The following CDC123 variants were observed in gnomAD, a reference collection of about 807,000 sequenced individuals.
CDC123 encodes the protein cell division cycle 123, also known as translation initiation factor eIF2 assembly protein.
A neutral mutation model predicts 54.4 loss-of-function variants in CDC123; 37 were observed. The ratio of observed to expected loss-of-function variants is 0.68; its 90% CI spans 0.52 to 0.89. The LOEUF (loss-of-function observed/expected upper bound fraction) is 0.89. Among genes scored for constraint, CDC123 ranks in the 40% least tolerant of loss-of-function variants. CDC123 has a pLI of 0.00. For missense variants in CDC123, 361 were observed against 412.1 expected (o/e 0.88, Z 1.07); for synonymous variants, 144 against 136.8 (o/e 1.05, Z -0.37).
At chr10:12,232,644 G>A (rs774843997) in intron 7 of CDC123, among the ~76,000 whole-genome samples, 1 of 152,042 alleles carries the variant, frequency 6.6e-6, no homozygotes, top group Admixed American at 6.6e-5. Context: ...CATAGTGTGA[G>A]CATTTTCCCA....
intron 5 of CDC123, 149 bp downstream of exon 5, chr10:12,215,984 A>T: frequency 1.9e-6 from 1 of 524,566 alleles, no homozygotes; most frequent in Non-Finnish European, 3.2e-6. Context: ...CTACTGTTTT[A>T]CTTTCCGGAT....
At position 12,221,466 on chromosome 10, in the gene CDC123, C is replaced by T. The variant is rs532610880; in HGVS notation, c.440+3999C>T. Among the ~76,000 whole-genome samples the T allele has an allele frequency of 9.2e-5, 14 of 152,260 alleles. No homozygotes were observed. The South Asian group carries it at 1.2e-3, about 14-fold the overall frequency. On this transcript the variant is annotated intron_variant, in intron 6 of 12. Transcript: ENST00000281141. ...CCTCTTGTTCTTTTCTGTATGTGAA[C>T]GAGTAAAGCATTCCTGGAGGCCTCC...
chr10:12,242,814 C>T (rs888075885), intron 10 of CDC123, among the ~76,000 whole-genome samples: 4 of 151,818 alleles, frequency 2.6e-5, no homozygotes, highest in African/African-American at 9.7e-5. Flanking sequence ...CAGTGGCAGG[C>T]GCCTGTAATC....
intron 2 of CDC123, among the ~76,000 whole-genome samples, chr10:12,201,839 C>T (rs1835444391): frequency 6.6e-6 from 1 of 152,108 alleles, no homozygotes; most frequent in South Asian, 2.1e-4. Context: ...GTGAGACCTG[C>T]TAGTGGCTTG....
At chr10:12,202,523 C>T (rs1564432243) in intron 2 of CDC123, among the ~76,000 whole-genome samples, 1 of 152,106 alleles carries the variant, frequency 6.6e-6, no homozygotes, top group Non-Finnish European at 1.5e-5. Context: ...CCTGGAGGAG[C>T]ATCAGATCCC....
intron 8 of CDC123, 115 bp from the exon 9 acceptor site, chr10:12,237,029 A>G: frequency 7.9e-7 from 1 of 1,257,966 alleles, no homozygotes; most frequent in Non-Finnish European, 1.1e-6. Flanking sequence ...CGTACCCATC[A>G]GGGTGATCTT....
At chr10:12,211,483 A>C (rs1039640056) in intron 4 of CDC123, among the ~76,000 whole-genome samples, 5 of 152,210 alleles carry the variant, frequency 3.3e-5, no homozygotes, top group African/African-American at 1.2e-4. Flanking sequence ...GCCTAAGTGG[A>C]AAGTTTGCGT....
intron 6 of CDC123, among the ~76,000 whole-genome samples, chr10:12,219,878 C>T (rs1455111735): frequency 1.3e-5 from 2 of 152,066 alleles, no homozygotes; most frequent in East Asian, 1.9e-4. Flanking sequence ...TTAGTAAAGA[C>T]GGTGTTTCAC....
At chr10:12,198,818 A>C (rs755200852) in intron 2 of CDC123, 42 bp downstream of exon 2, 1 of 1,041,172 alleles carries the variant, frequency 9.6e-7, no homozygotes, top group South Asian at 1.4e-5. Flanking sequence ...TTTATCATAA[A>C]GAAACACATA....
chr10:12,207,873 G>C (rs1302989571), intron 2 of CDC123, among the ~76,000 whole-genome samples: 1 of 152,174 alleles, frequency 6.6e-6, no homozygotes, highest in Non-Finnish European at 1.5e-5. Flanking sequence ...GCTTACCAAA[G>C]GGGCTGAGGA....
chr10:12,248,956 C>G (rs1329902943), intron 11 of CDC123, among the ~76,000 whole-genome samples: 1 of 151,076 alleles, frequency 6.6e-6, no homozygotes. Context: ...ACTAAAAATA[C>G]AAAAATTAGC....
At chr10:12,214,168 G>A (rs145219254) in intron 4 of CDC123, among the ~76,000 whole-genome samples, 1 of 152,234 alleles carries the variant, frequency 6.6e-6, no homozygotes, top group African/African-American at 2.4e-5. Flanking sequence ...TACATGAAAA[G>A]TAATCCTTAG....
In CDC123 at chr10:12,226,479, A is replaced by AG. The variant is rs1835816738; in HGVS notation, c.441-4465dup. The stretch of plus-strand genomic sequence containing the variant: ...CCCAGACGGGGCGGCTGCTGGGCGG[A>AG]GGGGCTCCTCACTTCTCAGACGGGG... On this transcript the variant is annotated intron_variant, in intron 6 of 12. Coordinates refer to ENST00000281141, the MANE Select transcript of CDC123 (RefSeq NM_006023.3). Among the ~76,000 whole-genome samples the AG allele has an allele frequency of 2.0e-5, 3 of 148,720 alleles. No individual in the cohort carries two copies. In the South Asian group the frequency reaches 6.5e-4, roughly 32 times the overall value.
chr10:12,233,859 A>G (rs1464371028), intron 7 of CDC123, among the ~76,000 whole-genome samples: 1 of 152,002 alleles, frequency 6.6e-6, no homozygotes, highest in South Asian at 2.1e-4. Flanking sequence ...TGAGAAACTT[A>G]TTAGTATATG....
chr10:12,207,092 G>C (rs1189873348), intron 2 of CDC123, among the ~76,000 whole-genome samples: 1 of 151,826 alleles, frequency 6.6e-6, no homozygotes, highest in Non-Finnish European at 1.5e-5. Flanking sequence ...TCCTGTTTCA[G>C]GATATTAAAA....
chr10:12,231,690 AG>A (rs1365494162), intron 7 of CDC123, among the ~76,000 whole-genome samples: 1 of 151,286 alleles, frequency 6.6e-6, no homozygotes, highest in Non-Finnish European at 1.5e-5. Context: ...AATTTTGATG[AG>A]TTTAAACATA....
At chr10:12,201,702 C>T (rs11257594) in intron 2 of CDC123, among the ~76,000 whole-genome samples, 2 of 152,116 alleles carry the variant, frequency 1.3e-5, no homozygotes, top group East Asian at 1.9e-4. Flanking sequence ...GCAATTTATT[C>T]TGAGAACGTC....
At chr10:12,231,757 C>T (rs1355719885) in intron 7 of CDC123, among the ~76,000 whole-genome samples, 1 of 152,042 alleles carries the variant, frequency 6.6e-6, no homozygotes, top group East Asian at 1.9e-4. Context: ...ACACACAACA[C>T]ACACGCACAT....
intron 11 of CDC123, chr10:12,247,709 C>A: frequency 6.6e-6 from 1 of 152,406 alleles, no homozygotes; most frequent in Non-Finnish European, 1.5e-5. Context: ...GCTTCACAGC[C>A]AGACTTTCCT....
Sources: allele counts gnomAD v4.1 joint callset (sites outside exome capture counted in the v4.1 genomes callset), GRCh38; gene constraint gnomAD v4.1.1; transcripts MANE v1.5; gene names NCBI Gene and HGNC (gene_info 2026-07-23, HGNC 2026-07-21).